BOD1L1: variants seen among roughly 807,000 people sequenced by gnomAD.
BOD1L1 encodes biorientation of chromosomes in cell division protein 1-like 1.
BOD1L1 carries 86 observed loss-of-function variants against 240.7 expected under a neutral mutation model. That is an observed-to-expected ratio of 0.36 (90% CI 0.30 to 0.43). BOD1L1 has a LOEUF of 0.43. BOD1L1 is among the 20% of genes least tolerant of loss of function. The pLI, the probability that BOD1L1 is intolerant of heterozygous loss-of-function variation, is 1.00. For synonymous variants in BOD1L1, 1,268 were observed against 1,272.3 expected, an observed-to-expected ratio of 1.00 and a Z score of 0.07; for missense variants, 3,554 against 3,643.5, an observed-to-expected ratio of 0.98 and a Z score of 0.63.
chr4:13,572,306 G>A (rs1712272002), intron 25 of BOD1L1, among the ~76,000 whole-genome samples: 1 of 152,260 alleles, frequency 6.6e-6, no homozygotes, highest in Non-Finnish European at 1.5e-5. Flanking sequence ...CAGTAAGGCT[G>A]CAGTGAAAGG....
intron 18 of BOD1L1, 28 bp downstream of exon 18, chr4:13,582,624 A>G (rs1713325531): frequency 3.3e-6 from 5 of 1,535,000 alleles, no homozygotes; most frequent in Non-Finnish European, 4.5e-6. Context: ...AGGCTCAGTC[A>G]ATTTACCCAA....
At chr4:13,616,245 C>G (rs1414648640) in intron 2 of BOD1L1, among the ~76,000 whole-genome samples, 1 of 151,916 alleles carries the variant, frequency 6.6e-6, no homozygotes, top group Non-Finnish European at 1.5e-5. Context: ...ACAACATGTA[C>G]TATAGGAAAA....
At chr4:13,605,858 T>C (rs1236659070) in intron 9 of BOD1L1, among the ~76,000 whole-genome samples, 1 of 152,156 alleles carries the variant, frequency 6.6e-6, no homozygotes, top group Non-Finnish European at 1.5e-5. Flanking sequence ...CATATGTATA[T>C]GTTTATGTAT....
intron 6 of BOD1L1, among the ~76,000 whole-genome samples, chr4:13,609,804 T>C (rs1273484623): frequency 6.6e-6 from 1 of 152,212 alleles, no homozygotes; most frequent in African/African-American, 2.4e-5. Context: ...TCAACTGTTC[T>C]TATAGAAAAC....
In BOD1L1 at chr4:13,627,719, C is replaced by T. The variant is rs1717528187; in HGVS notation, c.-132G>A. 1 of 833,930 alleles carries T rather than the reference C, an allele frequency of 1.2e-6. No individual in the cohort carries two copies. Among genetic ancestry groups the T allele is most frequent in the Non-Finnish European group, 1.5e-6 (1 of 685,500 alleles). 51.7% of individuals were successfully genotyped at this position (833,930 alleles called of 1,614,324 possible). ...GGAACCAGCGGATCCAGAGCAACCCCGGAAGTGAAAGGGAACTGGGGGAAA... is the reference window on the plus strand; with the variant it reads ...GGAACCAGCGGATCCAGAGCAACCCTGGAAGTGAAAGGGAACTGGGGGAAA... On this transcript the variant is annotated 5_prime_UTR_variant, in exon 1 of 26. Coordinates refer to ENST00000040738, the MANE Select transcript of BOD1L1 (RefSeq NM_148894.3).
rs1437872885 is a variant in BOD1L1 at position 13,602,669 on chromosome 4, T to C, written c.4231A>G (p.Lys1411Glu). 1 of 1,614,042 alleles carries C rather than the reference T, an allele frequency of 6.2e-7. No individual in the cohort carries two copies. The highest frequency in any genetic ancestry group is 1.3e-5 in the African/African-American group (1 of 75,058). The change falls in exon 10 of 26, where the codon AAG becomes GAG. Residue 1411 changes from lysine (K) to glutamate (E), a missense_variant. Lys to Glu is a moderately conservative substitution (Grantham distance 56). Around this residue, in one of 2 missense-constraint regions of BOD1L1, gnomAD observed 3,393 missense variants for 3,427.1 expected, o/e 0.99. Coordinates refer to ENST00000040738, the MANE Select transcript of BOD1L1 (RefSeq NM_148894.3). ...TCTGCATTTAAGTCATTTTCTTTCT[T>C]GGCCATGTCCACTAAGCCACCTTCT... The part of the protein sequence containing the change: ...TKEGGLVDMA[K>E]KENDLNAEPN...
In BOD1L1 at chr4:13,600,150, T is replaced by G; in HGVS notation, c.6750A>C (p.Lys2250Asn). 1 of 1,613,966 alleles carries G rather than the reference T, an allele frequency of 6.2e-7. No homozygotes were observed. The highest frequency in any genetic ancestry group is 1.1e-5 in the South Asian group (1 of 91,074). Residue 2250 changes from lysine (K) to asparagine (N), a missense_variant, in exon 10 of 26, where the codon AAA (lysine) becomes AAC (asparagine). Physicochemically the swap from Lys to Asn is moderately conservative, Grantham distance 94 (BLOSUM62 0). This residue lies in a region of BOD1L1 where 3,393 missense variants were observed against 3,427.1 expected (regional missense o/e 0.99). Transcript: ENST00000040738. ...NERAGTVMEE[K>N]DGSGIISTSS... ...TCGTAGAGATGATGCCACTCCCGTC[T>G]TTTTCTTCCATGACTGTGCCAGCTC...
intron 15 of BOD1L1, 55 bp downstream of exon 15, chr4:13,588,667 T>G: frequency 7.7e-7 from 1 of 1,302,958 alleles, no homozygotes; most frequent in Non-Finnish European, 1.1e-6. Context: ...CTTCTTTGTG[T>G]ACAGTGAAAA....
intron 25 of BOD1L1, among the ~76,000 whole-genome samples, chr4:13,574,806 G>A (rs1030439397): frequency 1.3e-5 from 2 of 152,120 alleles, no homozygotes; most frequent in African/African-American, 4.8e-5. Flanking sequence ...AGCTTCTAGA[G>A]TCCTTTGGCT....
In BOD1L1 at chr4:13,581,001, A is replaced by G. The variant is rs1192151059; in HGVS notation, c.8703+19T>C. 9 of 1,566,236 alleles carry G rather than the reference A, an allele frequency of 5.7e-6. No homozygotes were observed. Among genetic ancestry groups the G allele is most frequent in the Non-Finnish European group, 7.8e-6 (9 of 1,154,828 alleles). On this transcript the variant is annotated intron_variant, in intron 21 of 25. Transcript: ENST00000040738. ...TTAAGAGCAAGTATTTGAAATTGTC[A>G]TGTTTTGCAATTACTTACAGTGACA...
chr4:13,612,058 A>G (rs893841548), intron 5 of BOD1L1, among the ~76,000 whole-genome samples: 1 of 152,212 alleles, frequency 6.6e-6, no homozygotes, highest in Admixed American at 6.5e-5. Context: ...GGGCAGAGAA[A>G]GTGGAGTGTT....
At chr4:13,616,772 T>A (rs755084423) in intron 2 of BOD1L1, among the ~76,000 whole-genome samples, 1 of 152,162 alleles carries the variant, frequency 6.6e-6, no homozygotes, top group East Asian at 1.9e-4. Context: ...ATTCTACTTA[T>A]GTGGGCCATA....
intron 3 of BOD1L1, among the ~76,000 whole-genome samples, 198 bp from the exon 4 acceptor site, chr4:13,615,008 G>A (rs1181348779): frequency 6.6e-6 from 1 of 151,964 alleles, no homozygotes; most frequent in African/African-American, 2.4e-5. Context: ...TATTATCTTA[G>A]CGAGGGCACC....
intron 17 of BOD1L1, 136 bp from the exon 18 acceptor site, chr4:13,582,872 TTTGAAGTGTAACTATTA>T (rs1478991691): frequency 1.6e-6 from 1 of 615,816 alleles, no homozygotes; most frequent in African/African-American, 1.9e-5. Context: ...GGAAAATGTT[TTTGAAGTGTAACTATTA>T]TTGCTGCTAG....
At chr4:13,622,160 C>T (rs761768632) in intron 1 of BOD1L1, among the ~76,000 whole-genome samples, 29 of 152,156 alleles carry the variant, frequency 1.9e-4, no homozygotes, top group Admixed American at 1.2e-3. Flanking sequence ...CCACCATACC[C>T]AGCCCTAAAA....
At position 13,596,149 on chromosome 4, in the gene BOD1L1, A is replaced by C. The variant is rs528221315; in HGVS notation, c.8020-205T>G. 4.9e-4 allele frequency among the ~76,000 whole-genome samples: 74 copies of C among 152,294 alleles called. No individual in the cohort carries two copies. The South Asian group carries it at 0.015, about 31-fold the overall frequency. The stretch of plus-strand genomic sequence containing the variant: ...ATCAATTTAATCTCGTATTTCATCC[A>C]TCAATGGGTATTCTATTGCTTTAAA... On this transcript the variant is annotated intron_variant, in intron 11 of 25. Coordinates refer to ENST00000040738, the MANE Select transcript of BOD1L1 (RefSeq NM_148894.3).
Position 13,579,967 on chromosome 4 carries a change from G to T in BOD1L1, c.8710C>A (p.Gln2904Lys). 1 of 1,556,322 alleles carries T rather than the reference G, an allele frequency of 6.4e-7. No homozygotes were observed. Among genetic ancestry groups the T allele is most frequent in the Non-Finnish European group, 8.7e-7 (1 of 1,148,584 alleles). Residue 2904 changes from glutamine (Q) to lysine (K), a missense_variant, in exon 22 of 26, where the codon CAA (glutamine) becomes AAA (lysine). By Grantham distance (53) the Gln-to-Lys change is moderately conservative (BLOSUM62 1). Transcript: ENST00000040738. The stretch of plus-strand genomic sequence containing the variant: ...TTCAGTTTGCTGCTAGATGGAGATT[G>T]TTCTACCTATGTTTAAATAAACAAA... ...KTDTGIVTVE[Q>K]SPSSSKLKVM...
At chr4:13,576,523 T>C (rs951929795) in intron 25 of BOD1L1, among the ~76,000 whole-genome samples, 3 of 151,962 alleles carry the variant, frequency 2.0e-5, no homozygotes, top group African/African-American at 7.3e-5. Context: ...ATGTCCATAT[T>C]CATGAATGGT....
chr4:13,601,578 G>A lies in BOD1L1; in HGVS notation c.5322C>T (p.Ser1774=). The change falls in exon 10 of 26, where the codon AGC becomes AGT. Residue 1774 remains serine (S), a synonymous_variant. Transcript: ENST00000040738. ...DNDAPPGTSA[S]QEGDGSVNDG... is the part of the protein sequence containing the mutation. The stretch of plus-strand genomic sequence containing the variant: ...CATTCACAGAACCATCTCCTTCTTG[G>A]CTGGCACTTGTTCCTGGTGGTGCAT... The A allele has an allele frequency of 6.2e-7, 1 of 1,613,872 alleles. No homozygotes were observed. The highest frequency in any genetic ancestry group is 8.5e-7 in the Non-Finnish European group (1 of 1,179,890).
Sources: allele counts gnomAD v4.1 joint callset (sites outside exome capture counted in the v4.1 genomes callset), GRCh38; gene constraint gnomAD v4.1.1; regional missense constraint gnomAD v4.1.1; transcripts MANE v1.5; gene names NCBI Gene and HGNC (gene_info 2026-07-23, HGNC 2026-07-21).